The following KCNIP4 variants were observed in gnomAD, a reference collection of about 807,000 sequenced individuals.
KCNIP4 encodes the protein potassium voltage-gated channel interacting protein 4.
KCNIP4 carries 12 observed loss-of-function variants against 34.0 expected under a neutral mutation model. The ratio of observed to expected loss-of-function variants is 0.35; its 90% confidence interval spans 0.23 to 0.57. The LOEUF (loss-of-function observed/expected upper bound fraction) is 0.57, where lower values mean the gene tolerates loss of function less well. Ranked by LOEUF, KCNIP4 falls within the 20% of genes least tolerant of loss-of-function variation. KCNIP4 has a pLI of 0.83. For synonymous variants in KCNIP4, 124 were observed against 102.2 expected (o/e 1.21, Z -1.29); for missense variants, 238 against 311.7 (o/e 0.76, Z 1.78).
intron 1 of KCNIP4, among the ~76,000 whole-genome samples, chr4:20,971,560 AAAC>A (rs1201575001): frequency 6.6e-6 from 1 of 152,232 alleles, no homozygotes; most frequent in African/African-American, 2.4e-5. Context: ...TATGTCTAAA[AAAC>A]AATGTGCAAA....
At chr4:21,929,582 C>T (rs777081950) in intron 1 of KCNIP4, among the ~76,000 whole-genome samples, 1 of 152,142 alleles carries the variant, frequency 6.6e-6, no homozygotes, top group Admixed American at 6.6e-5. Context: ...TGCCTATAAA[C>T]ATGCCCAAAC....
intron 3 of KCNIP4, among the ~76,000 whole-genome samples, chr4:20,778,324 C>T (rs887198201): frequency 1.3e-5 from 2 of 152,132 alleles, no homozygotes; most frequent in Admixed American, 6.5e-5. Flanking sequence ...ACAACCATAA[C>T]ATTGACCAAT....
chr4:21,627,460 G>T (rs1174229401), intron 1 of KCNIP4, among the ~76,000 whole-genome samples: 1 of 151,990 alleles, frequency 6.6e-6, no homozygotes, highest in Non-Finnish European at 1.5e-5. Context: ...AACATAATCA[G>T]TGCAGTGCTA....
intron 1 of KCNIP4, among the ~76,000 whole-genome samples, chr4:21,883,318 T>TA (rs1726569078): frequency 1.3e-5 from 2 of 152,048 alleles, no homozygotes; most frequent in East Asian, 1.9e-4. Context: ...GCTAATTATT[T>TA]AAAAAAATTT....
At chr4:20,797,763 C>T (rs913910810) in intron 3 of KCNIP4, among the ~76,000 whole-genome samples, 2 of 152,116 alleles carry the variant, frequency 1.3e-5, no homozygotes, top group Non-Finnish European at 2.9e-5. Context: ...TGTGGGTCGG[C>T]AGGGAATTAG....
intron 1 of KCNIP4, among the ~76,000 whole-genome samples, chr4:21,750,314 C>T (rs1450208311): frequency 1.3e-5 from 2 of 152,096 alleles, no homozygotes; most frequent in Non-Finnish European, 2.9e-5. Context: ...TAAAATGCTT[C>T]CTTAAAGTGA....
intron 1 of KCNIP4, among the ~76,000 whole-genome samples, chr4:21,042,183 A>G (rs1742021886): frequency 6.6e-6 from 1 of 152,228 alleles, no homozygotes; most frequent in Non-Finnish European, 1.5e-5. Flanking sequence ...CAGCAATCCT[A>G]GTACTGGGTA....
At position 21,179,200 on chromosome 4, in the gene KCNIP4, G is replaced by T. The variant is rs1754662732; in HGVS notation, c.62-296491C>A. Among the ~76,000 whole-genome samples, 5 of 152,250 alleles carry T rather than the reference G, an allele frequency of 3.3e-5. 1 individual carries two copies. The South Asian group carries it at 1.0e-3, about 32-fold the overall frequency. On this transcript the variant is annotated intron_variant, in intron 1 of 8. Coordinates refer to ENST00000382152, the MANE Select transcript of KCNIP4 (RefSeq NM_025221.6). ...CCCATATTCTAAGACTCATTTCTCAGCCTGGGCTTTTGCCCAACTCATTTG... is the reference window on the plus strand; with the variant it reads ...CCCATATTCTAAGACTCATTTCTCATCCTGGGCTTTTGCCCAACTCATTTG...
intron 1 of KCNIP4, among the ~76,000 whole-genome samples, chr4:20,946,684 A>G (rs1419725779): frequency 4.6e-5 from 7 of 152,148 alleles, no homozygotes; most frequent in Non-Finnish European, 1.0e-4. Context: ...GTTTTTATCA[A>G]ATTCTTATTA....
chr4:21,255,124 C>T (rs925767487), intron 1 of KCNIP4, among the ~76,000 whole-genome samples: 2 of 152,074 alleles, frequency 1.3e-5, no homozygotes, highest in African/African-American at 4.8e-5. Context: ...TTGCACCTCC[C>T]TCTGCCCATT....
intron 1 of KCNIP4, among the ~76,000 whole-genome samples, chr4:21,783,469 C>T (rs1288393509): frequency 6.6e-6 from 1 of 151,934 alleles, no homozygotes; most frequent in Non-Finnish European, 1.5e-5. Flanking sequence ...GAAATGTTTC[C>T]AAGATGAAAC....
intron 1 of KCNIP4, among the ~76,000 whole-genome samples, chr4:21,241,630 G>C (rs1447257757): frequency 1.3e-5 from 2 of 152,134 alleles, no homozygotes; most frequent in Non-Finnish European, 2.9e-5. Flanking sequence ...AGCTTGGGAG[G>C]GGAGGTTAAT....
intron 1 of KCNIP4, among the ~76,000 whole-genome samples, chr4:21,789,265 T>C (rs900585380): frequency 6.6e-6 from 1 of 152,176 alleles, no homozygotes; most frequent in Non-Finnish European, 1.5e-5. Context: ...TAAATTTTCA[T>C]TTACTTTGGG....
At chr4:21,047,579 G>C (rs1742544560) in intron 1 of KCNIP4, among the ~76,000 whole-genome samples, 1 of 152,138 alleles carries the variant, frequency 6.6e-6, no homozygotes, top group South Asian at 2.1e-4. Flanking sequence ...AGTTTTCTCT[G>C]ACTCCAAACG....
intron 1 of KCNIP4, among the ~76,000 whole-genome samples, chr4:21,346,847 T>TA (rs1717480920): frequency 6.6e-6 from 1 of 152,200 alleles, no homozygotes; most frequent in East Asian, 1.9e-4. Flanking sequence ...TTTTCCAAGA[T>TA]AAAAAAGATG....
intron 1 of KCNIP4, among the ~76,000 whole-genome samples, chr4:20,997,732 T>C (rs967852600): frequency 2.0e-5 from 3 of 152,302 alleles, no homozygotes; most frequent in East Asian, 3.9e-4. Context: ...AGATTCTGTA[T>C]GTAGGTCAGA....
At chr4:21,438,754 C>T (rs1316752097) in intron 1 of KCNIP4, among the ~76,000 whole-genome samples, 2 of 152,106 alleles carry the variant, frequency 1.3e-5, no homozygotes, top group Admixed American at 1.3e-4. Context: ...AACATATGCT[C>T]ATTTAAATGT....
intron 1 of KCNIP4, among the ~76,000 whole-genome samples, chr4:21,107,925 C>G (rs143885947): frequency 0.28 from 42,304 of 150,698 alleles, 6,808 homozygotes; most frequent in African/African-American, 0.41. Flanking sequence ...TTGAATATTG[C>G]CCCCCACTCT....
intron 1 of KCNIP4, among the ~76,000 whole-genome samples, chr4:21,499,474 C>T (rs944914571): frequency 1.3e-5 from 2 of 151,826 alleles, no homozygotes; most frequent in African/African-American, 2.4e-5. Flanking sequence ...AGCATAAATG[C>T]TGATTTGTTT....
Sources: allele counts gnomAD v4.1 joint callset (sites outside exome capture counted in the v4.1 genomes callset), GRCh38; gene constraint gnomAD v4.1.1; transcripts MANE v1.5; gene names NCBI Gene and HGNC (gene_info 2026-07-23, HGNC 2026-07-21).